SPEG: variants seen among roughly 807,000 people sequenced by gnomAD.
The protein encoded by SPEG is striated muscle preferentially expressed protein kinase.
Under a neutral mutation model 300.4 loss-of-function variants are expected in SPEG, and 114 were observed. The observed-to-expected ratio is 0.38, with a 90% CI of 0.33 to 0.44. The LOEUF is 0.44. Among genes scored for constraint, SPEG ranks in the 20% least tolerant of loss-of-function variants. SPEG has a pLI of 1.00. For synonymous variants in SPEG, 1,964 were observed against 2,018.9 expected, an observed-to-expected ratio of 0.97 and a Z score of 0.73; for missense variants, 4,201 against 4,586.2, an observed-to-expected ratio of 0.92 and a Z score of 2.43.
At chr2:219,475,851 G>C (rs985642581) in intron 18 of SPEG, among the ~76,000 whole-genome samples, 1 of 152,138 alleles carries the variant, frequency 6.6e-6, no homozygotes, top group African/African-American at 2.4e-5. Context: ...CAAGTGGAGT[G>C]GTGGCCCCCC....
Position 219,477,216 on chromosome 2 carries a change from C to CGGGGCCTGGAACAGCGGCT in SPEG, c.4561-61_4561-60insGGGGCCTGGAACAGCGGCT. 1 of 1,467,326 alleles carries CGGGGCCTGGAACAGCGGCT rather than the reference C, an allele frequency of 6.8e-7. No homozygotes were observed. The highest frequency in any genetic ancestry group is 2.0e-5 in the Admixed American group (1 of 50,244). 90.9% of individuals were successfully genotyped at this position (1,467,326 alleles called of 1,614,324 possible). A position where few individuals can be genotyped will look rare whatever the true frequency, so the allele number is the denominator to read the frequency against. ...GCGCTGCCCAGAGTAGGAGATGAGG[C>CGGGGCCTGGAACAGCGGCT]CCTGGCCCCAAGGTAGAGATGAGGC... On this transcript the variant is annotated intron_variant, in intron 19 of 40. Transcript: ENST00000312358. The surrounding 1 kb of genome is among the most constrained non-coding windows in gnomAD (Gnocchi z 6.4).
Position 219,477,924 on chromosome 2 carries a change from C to T in SPEG, c.4846C>T (p.Arg1616Trp), listed in dbSNP as rs752363741. The part of the protein sequence containing the change: ...EIGRGAFSYL[R>W]RIVERSSGLE... ...AACCAGGGGTGCTTTCTCCTACTTG[C>T]GGCGCATAGTGGAGCGTAGCTCCGG... Residue 1616 changes from arginine (R) to tryptophan (W), a missense_variant, in exon 22 of 41, where the codon CGG (arginine) becomes TGG (tryptophan). Physicochemically the swap from Arg to Trp is moderately radical, Grantham distance 101. Coordinates refer to ENST00000312358, the MANE Select transcript of SPEG (RefSeq NM_005876.5). This position sits in a 1 kb window ranked among gnomAD's most constrained non-coding sequence, Gnocchi z 6.4. 1.5e-5 allele frequency: 25 copies of T among 1,613,970 alleles called. No individual in the cohort carries two copies. In the East Asian group the frequency reaches 1.6e-4, roughly 10 times the overall value.
At chr2:219,486,546 A>G (rs540190127) in intron 31 of SPEG, among the ~76,000 whole-genome samples, 106 of 152,264 alleles carry the variant, frequency 7.0e-4, no homozygotes, top group Middle Eastern at 3.4e-3. Flanking sequence ...GGGGGAAAGA[A>G]AGCGATCAGC....
intron 30 of SPEG, 130 bp downstream of exon 30, chr2:219,485,202 A>C: frequency 1.4e-6 from 2 of 1,467,730 alleles, no homozygotes; most frequent in Admixed American, 2.1e-5. Flanking sequence ...TGGAATCAGC[A>C]GGGCTGGAGG....
In SPEG at chr2:219,462,029, C is replaced by T. The variant is rs1690750647; in HGVS notation, c.2588C>T (p.Thr863Ile). 6.2e-7 allele frequency: 1 copy of T among 1,610,894 alleles called. No individual in the cohort carries two copies. Among genetic ancestry groups the T allele is most frequent in the African/African-American group, 1.3e-5 (1 of 74,742 alleles). ...SPSQNRRSSDTGSKAPPTFKV... is the reference protein window; with the variant it reads ...SPSQNRRSSDIGSKAPPTFKV... ...AGCCAGAACCGCCGTTCTTCTGACA[C>T]TGGCTCCAAGGCACCCCCCACCTTC... Residue 863 changes from threonine to isoleucine, a missense_variant, in exon 7 of 41, where the codon ACT becomes ATT. Thr to Ile is a moderately conservative substitution (Grantham distance 89). This residue lies in a region of SPEG where 1,258 missense variants were observed against 1,293.9 expected (regional missense o/e 0.97). Transcript: ENST00000312358.
rs992399982 is a variant in SPEG, at chr2:219,473,232, A to G, written c.4147+136A>G. On this transcript the variant is annotated intron_variant, in intron 16 of 40. Coordinates refer to ENST00000312358, the MANE Select transcript of SPEG (RefSeq NM_005876.5). The surrounding 1 kb of genome is among the most constrained non-coding windows in gnomAD (Gnocchi z 4.6). ...GCCTAGCCGGGCGGGACCTTGGCCC[A>G]TCTGTACACTTCCTTCTCCCTCCTG... The G allele has an allele frequency of 3.8e-5, 33 of 869,414 alleles. No homozygotes were observed. The highest frequency in any genetic ancestry group is 5.1e-5 in the Non-Finnish European group (29 of 568,194). 53.9% of individuals were successfully genotyped at this position (869,414 alleles called of 1,614,324 possible).
chr2:219,461,894 C>T lies in SPEG; in HGVS notation c.2453C>T (p.Ser818Phe). ...SLTVRPGGST[S>F]PFSSPITSDE... Reference sequence around the variant, plus strand: ...TGTCTCTCTCCAGGTGGGTCTACATCCCCTTTCAGCAGCCCCATCACCTCC... The same window carrying T: ...TGTCTCTCTCCAGGTGGGTCTACATTCCCTTTCAGCAGCCCCATCACCTCC... The change falls in exon 7 of 41, where the codon TCC becomes TTC. Residue 818 changes from serine to phenylalanine, a missense_variant. Around this residue, in one of 4 missense-constraint regions of SPEG, gnomAD observed 1,258 missense variants for 1,293.9 expected, o/e 0.97. Coordinates refer to ENST00000312358, the MANE Select transcript of SPEG (RefSeq NM_005876.5). 6.2e-7 allele frequency: 1 copy of T among 1,613,922 alleles called. No individual in the cohort carries two copies. Among genetic ancestry groups the T allele is most frequent in the Non-Finnish European group, 8.5e-7 (1 of 1,179,888 alleles).
chr2:219,478,216 T>A, intron 22 of SPEG, 111 bp downstream of exon 22: 1 of 900,738 alleles, frequency 1.1e-6, no homozygotes, highest in South Asian at 1.7e-5. Context: ...CAATTGACAA[T>A]TGGGAGGGAT....
Position 219,492,253 on chromosome 2 carries a change from C to T in SPEG, c.9604C>T (p.His3202Tyr), listed in dbSNP as rs774408244. Reference sequence around the variant, plus strand: ...CTTCTTGCGAAAGGTTCTCTCTGTACATCCCTGGTGAGTGAGCCCCACACC... The same window carrying T: ...CTTCTTGCGAAAGGTTCTCTCTGTATATCCCTGGTGAGTGAGCCCCACACC... The part of the protein sequence containing the change: ...TLFLRKVLSV[H>Y]PWSRPSLQDC... The change falls in exon 40 of 41, where the codon CAT (histidine) becomes TAT (tyrosine). Residue 3202 changes from histidine (H) to tyrosine (Y), a missense_variant. Transcript: ENST00000312358. 26 of 1,613,100 alleles carry T rather than the reference C, an allele frequency of 1.6e-5. No homozygotes were observed. The East Asian group carries it at 4.7e-4, about 29-fold the overall frequency.
Position 219,448,410 on chromosome 2 carries a change from G to T in SPEG, c.1252G>T (p.Asp418Tyr). 6.5e-7 allele frequency: 1 copy of T among 1,528,952 alleles called. No homozygotes were observed. The highest frequency in any genetic ancestry group is 2.5e-5 in the East Asian group (1 of 39,260). The allele number at this position is 1,528,952 out of a possible 1,614,324, so 94.7% of individuals were successfully genotyped here. The change falls in exon 4 of 41, where the codon GAC (aspartate) becomes TAC (tyrosine). Residue 418 changes from aspartate to tyrosine, a missense_variant. Asp to Tyr is a radical substitution (Grantham distance 160, BLOSUM62 -3). Around this residue, in one of 4 missense-constraint regions of SPEG, gnomAD observed 1,258 missense variants for 1,293.9 expected, o/e 0.97. Coordinates refer to ENST00000312358, the MANE Select transcript of SPEG (RefSeq NM_005876.5). Reference protein sequence around the residue: ...EERRRSLERSDSPPAPLRPWV... With the variant: ...EERRRSLERSYSPPAPLRPWV... ...GCGACGGCGCAGCCTGGAGCGCAGC[G>T]ACTCGCCGCCGGCGCCCCTGCGGCC...
intron 3 of SPEG, among the ~76,000 whole-genome samples, chr2:219,446,761 T>G (rs1173904272): frequency 6.6e-6 from 1 of 152,208 alleles, no homozygotes; most frequent in Non-Finnish European, 1.5e-5. Flanking sequence ...GTCACCTTGG[T>G]AAGGCATTTA....
chr2:219,445,089 G>A lies in SPEG; in HGVS notation c.743G>A (p.Ser248Asn). ...LVGASWGSED[S>N]LSVASDLYGS... The stretch of plus-strand genomic sequence containing the variant: ...GGCGCAAGCTGGGGGTCAGAGGATA[G>A]CCTTTCCGTGGCCAGTGACCTGTAC... The change falls in exon 3 of 41, where the codon AGC (serine) becomes AAC (asparagine). Residue 248 changes from serine (S) to asparagine (N), a missense_variant. Ser to Asn is a conservative substitution (Grantham distance 46, BLOSUM62 1). Coordinates refer to ENST00000312358, the MANE Select transcript of SPEG (RefSeq NM_005876.5). This position sits in a 1 kb window ranked among gnomAD's most constrained non-coding sequence, Gnocchi z 6.1. The A allele has an allele frequency of 6.2e-7, 1 of 1,603,116 alleles. No individual in the cohort carries two copies. The highest frequency in any genetic ancestry group is 8.5e-7 in the Non-Finnish European group (1 of 1,175,050).
Position 219,472,279 on chromosome 2 carries a change from G to A in SPEG, c.3888G>A (p.Gly1296=), listed in dbSNP as rs1242780858. The part of the protein sequence containing the change: ...DGAPQVVAVT[G]RMVTLTWNPP... ...CCCCGCAGGTGGTGGCTGTGACGGG[G>A]AGGATGGTCACACTCACATGGAACC... is the stretch of plus-strand genomic sequence containing the variant. The change falls in exon 15 of 41, where the codon GGG becomes GGA. Residue 1296 remains glycine, a synonymous_variant. Coordinates refer to ENST00000312358, the MANE Select transcript of SPEG (RefSeq NM_005876.5). The A allele has an allele frequency of 1.2e-6, 2 of 1,613,890 alleles. No homozygotes were observed. Among genetic ancestry groups the A allele is most frequent in the Admixed American group, 1.7e-5 (1 of 60,026 alleles).
chr2:219,467,757 G>T (rs1317918989), intron 10 of SPEG, among the ~76,000 whole-genome samples: 2 of 152,230 alleles, frequency 1.3e-5, no homozygotes, highest in African/African-American at 4.8e-5. Flanking sequence ...GCTTTAGCCT[G>T]TTCATCTGTA....
intron 13 of SPEG, among the ~76,000 whole-genome samples, chr2:219,470,378 G>A (rs113921693): frequency 0.029 from 4,448 of 152,166 alleles, 104 homozygotes; most frequent in Non-Finnish European, 0.045. Context: ...CTCCAGTGAT[G>A]CCACCCCGGC....
intron 18 of SPEG, among the ~76,000 whole-genome samples, chr2:219,475,871 G>A (rs540753321): frequency 4.7e-4 from 71 of 152,112 alleles, no homozygotes; most frequent in Non-Finnish European, 7.5e-4. Flanking sequence ...CTTCCTCCAC[G>A]TCAACCTCAC....
chr2:219,442,342 GA>G (rs1055340885), intron 1 of SPEG, among the ~76,000 whole-genome samples: 69 of 152,026 alleles, frequency 4.5e-4, no homozygotes, highest in African/African-American at 1.6e-3. Flanking sequence ...GACCACCGGG[GA>G]AGGCCCCCGC....
At position 219,493,293 on chromosome 2, in the gene SPEG, G is replaced by C; in HGVS notation, c.*507G>C. 2.8e-6 allele frequency: 1 copy of C among 356,566 alleles called. No homozygotes were observed. The allele number at this position is 356,566 out of a possible 1,614,324, so 22.1% of individuals were successfully genotyped here. ...GGACATGAGAGAAGGCAGCGAGGCG[G>C]CAGAGGGAGAAGAGAGGACTCAGGT... On this transcript the variant is annotated 3_prime_UTR_variant, in exon 41 of 41. Coordinates refer to ENST00000312358, the MANE Select transcript of SPEG (RefSeq NM_005876.5).
chr2:219,438,546 G>C lies in SPEG; in HGVS notation c.388+3181G>C, dbSNP rs1019004887. Among the ~76,000 whole-genome samples, 13 of 152,300 alleles carry C rather than the reference G, an allele frequency of 8.5e-5. No homozygotes were observed. In the East Asian group the frequency reaches 2.1e-3, roughly 25 times the overall value. On this transcript the variant is annotated intron_variant, in intron 1 of 40. Transcript: ENST00000312358. Reference sequence around the variant, plus strand: ...GCATTCTTCTTTTTCAAAATATCAGGCTCCCACTTGCACAGGCTGAGGAGC... The same window carrying C: ...GCATTCTTCTTTTTCAAAATATCAGCCTCCCACTTGCACAGGCTGAGGAGC...
Sources: gnomAD v4.1 joint callset for allele counts (sites outside exome capture counted in the v4.1 genomes callset) on GRCh38, gnomAD v4.1.1 for gene constraint, gnomAD v4.1.1 regional missense constraint, Gnocchi (gnomAD v3.1) non-coding constraint, MANE v1.5 for transcripts, NCBI Gene and HGNC (gene_info 2026-07-23, HGNC 2026-07-21) for gene names.